Variants in ARHGAP8 observed in about 807,000 individuals in gnomAD.
ARHGAP8 encodes rho GTPase-activating protein 8.
Under a neutral mutation model 46.1 loss-of-function variants are expected in ARHGAP8, and 62 were observed. The ratio of observed to expected loss-of-function variants is 1.34; its 90% CI spans 1.10 to 1.66. The LOEUF (loss-of-function observed/expected upper bound fraction) is 1.66. Among genes scored for constraint, ARHGAP8 ranks in the 40% most tolerant of loss-of-function variants. The probability of loss-of-function intolerance (pLI) is 0.00; values close to 1 mark genes in which losing one functional copy is unlikely to be tolerated. For synonymous variants in ARHGAP8, 375 were observed against 243.1 expected, an observed-to-expected ratio of 1.54 and a Z score of -5.05; for missense variants, 923 against 568.4, an observed-to-expected ratio of 1.62 and a Z score of -6.34.
intron 7 of ARHGAP8, among the ~76,000 whole-genome samples, chr22:44,832,750 G>T (rs1279622255): frequency 6.6e-6 from 1 of 152,062 alleles, no homozygotes; most frequent in Admixed American, 6.6e-5. Context: ...TTTATTGCCT[G>T]ATTATGCCTG....
chr22:44,798,814 G>A (rs1251606034), intron 2 of ARHGAP8, among the ~76,000 whole-genome samples: 1 of 152,070 alleles, frequency 6.6e-6, no homozygotes, highest in Admixed American at 6.5e-5. Context: ...TCACCAGGCT[G>A]GAGTGCAGTG....
intron 4 of ARHGAP8, among the ~76,000 whole-genome samples, chr22:44,810,943 C>CAG (rs1446507303): frequency 6.6e-6 from 1 of 151,862 alleles, no homozygotes; most frequent in African/African-American, 2.4e-5. Context: ...CTCAGGCTCA[C>CAG]AGCAGGATGT....
At chr22:44,762,427 C>A (rs1478753986) in intron 1 of ARHGAP8, among the ~76,000 whole-genome samples, 1 of 145,200 alleles carries the variant, frequency 6.9e-6, no homozygotes, top group South Asian at 2.2e-4. Context: ...CAGCATGAGA[C>A]CCCATCTCTA....
chr22:44,754,973 G>A (rs932638236), intron 1 of ARHGAP8, among the ~76,000 whole-genome samples: 5 of 151,968 alleles, frequency 3.3e-5, no homozygotes, highest in African/African-American at 1.2e-4. Flanking sequence ...TTTTAGGCAG[G>A]TCACTCTCCT....
At position 44,814,652 on chromosome 22, in the gene ARHGAP8, TC is replaced by T. The variant is rs1299284360; in HGVS notation, c.300-15del. ...CTCGGAGCGCGGCAGCCTGAAGTCA[TC>T]CCCCGTTTCCCTCCTCAGGTACAAG... On this transcript the variant is annotated intron_variant, in intron 4 of 11. Coordinates refer to ENST00000356099, the MANE Select transcript of ARHGAP8 (RefSeq NM_181335.3). 5 of 1,609,540 alleles carry T rather than the reference TC, an allele frequency of 3.1e-6. No individual in the cohort carries two copies. The highest frequency in any genetic ancestry group is 4.2e-6 in the Non-Finnish European group (5 of 1,178,018).
intron 2 of ARHGAP8, among the ~76,000 whole-genome samples, chr22:44,789,824 T>C (rs1040357785): frequency 1.3e-5 from 2 of 152,166 alleles, no homozygotes; most frequent in African/African-American, 2.4e-5. Context: ...TGTCTGGTGA[T>C]ACTGCTTGTC....
At chr22:44,838,489 G>T (rs1931438677) in intron 7 of ARHGAP8, among the ~76,000 whole-genome samples, 1 of 151,920 alleles carries the variant, frequency 6.6e-6, no homozygotes, top group Middle Eastern at 3.2e-3. Context: ...GCCCAGGCTG[G>T]TCCGGAATTC....
chr22:44,780,597 G>A (rs1413277767), intron 1 of ARHGAP8, among the ~76,000 whole-genome samples: 3 of 131,300 alleles, frequency 2.3e-5, no homozygotes, highest in Non-Finnish European at 4.6e-5. Flanking sequence ...GGGAGGCGGA[G>A]GTTGCATTGA....
intron 10 of ARHGAP8, 48 bp from the exon 11 acceptor site, chr22:44,859,683 T>TGCCCCTG (rs2070369753): frequency 1.9e-6 from 3 of 1,600,622 alleles, no homozygotes; most frequent in Non-Finnish European, 2.6e-6. Context: ...GATGCAGCGC[T>TGCCCCTG]GCCCCTGGCC....
At position 44,816,884 on chromosome 22, in the gene ARHGAP8, C is replaced by CTTTCT. The variant is rs1282557789; in HGVS notation, c.386+2129_386+2130insCTTTT. Among the ~76,000 whole-genome samples, 7 of 115,080 alleles carry CTTTCT rather than the reference C, an allele frequency of 6.1e-5. 1 individual carries two copies. The allele number at this position is 115,080 out of a possible 152,430, so 75.5% of individuals were successfully genotyped here. On this transcript the variant is annotated intron_variant, in intron 5 of 11. Coordinates refer to ENST00000356099, the MANE Select transcript of ARHGAP8 (RefSeq NM_181335.3). ...TTCTTTCTTTTTTCTTTCTTTCTTT[C>CTTTCT]TTTTTTTTTTTTTTTTTTGAGACGA...
Position 44,808,503 on chromosome 22 carries a change from G to T in ARHGAP8, c.299+65G>T, listed in dbSNP as rs1929094049. 4.4e-6 allele frequency: 7 copies of T among 1,588,530 alleles called. No individual in the cohort carries two copies. In the East Asian group the frequency reaches 1.6e-4, roughly 36 times the overall value. On this transcript the variant is annotated intron_variant, in intron 4 of 11. Coordinates refer to ENST00000356099, the MANE Select transcript of ARHGAP8 (RefSeq NM_181335.3). ...GCTTGTGGCAGGAGGAGGCATTGTG[G>T]CCACAAGGGGTCGCAGAGTGTGCAG... is the stretch of plus-strand genomic sequence containing the variant.
rs961768483 is a variant in ARHGAP8 at position 44,814,312 on chromosome 22, A to G, written c.300-360A>G. On this transcript the variant is annotated intron_variant, in intron 4 of 11. Transcript: ENST00000356099. ...AGCCCAGGTCAGCTCCTGGCAGGGC[A>G]GGTGTTGGCCAAGAGGCTCTGTGCG... Among the ~76,000 whole-genome samples, 5 of 152,094 alleles carry G rather than the reference A, an allele frequency of 3.3e-5. No homozygotes were observed. In the South Asian group the frequency reaches 1.0e-3, roughly 32 times the overall value.
chr22:44,807,161 T>C (rs1928988839), intron 3 of ARHGAP8, among the ~76,000 whole-genome samples: 2 of 152,012 alleles, frequency 1.3e-5, no homozygotes, highest in African/African-American at 4.8e-5. Flanking sequence ...GGTGGGTTAA[T>C]TACAAGATGT....
rs186320905 is a variant in ARHGAP8 at position 44,762,763 on chromosome 22, C to T, written c.-72+10136C>T. 6.5e-3 allele frequency among the ~76,000 whole-genome samples: 993 copies of T among 152,104 alleles called. 5 individuals are homozygous for T. Among genetic ancestry groups the T allele is most frequent in the Non-Finnish European group, 0.011 (739 of 68,000 alleles). The stretch of plus-strand genomic sequence containing the variant: ...CTCACCATGTTGGCCAGGTTGGTCT[C>T]GAACTCCTGACCTTAGGTAATCCAC... On this transcript the variant is annotated intron_variant, in intron 1 of 11. Transcript: ENST00000356099.
At chr22:44,859,505 A>G (rs4504111) in intron 10 of ARHGAP8, among the ~76,000 whole-genome samples, 32,865 of 152,150 alleles carry the variant, frequency 0.22, 4,313 homozygotes, top group Admixed American at 0.26. Flanking sequence ...TGAGCCAGTT[A>G]AACCTCTTTT....
intron 1 of ARHGAP8, among the ~76,000 whole-genome samples, chr22:44,772,851 T>G (rs1926137641): frequency 7.2e-6 from 1 of 139,056 alleles, no homozygotes; most frequent in Non-Finnish European, 1.5e-5. Context: ...TCTTCCCATC[T>G]CCCAGGTCTC....
At position 44,862,450 on chromosome 22, in the gene ARHGAP8, C is replaced by G. The variant is rs760106218; in HGVS notation, c.1157C>G (p.Ala386Gly). 6.2e-7 allele frequency: 1 copy of G among 1,614,092 alleles called. No homozygotes were observed. Among genetic ancestry groups the G allele is most frequent in the Non-Finnish European group, 8.5e-7 (1 of 1,180,002 alleles). The change falls in exon 12 of 12, where the codon GCA (alanine) becomes GGA (glycine). Residue 386 changes from alanine to glycine, a missense_variant. Coordinates refer to ENST00000356099, the MANE Select transcript of ARHGAP8 (RefSeq NM_181335.3). Reference sequence around the variant, plus strand: ...GAAAAGATCTTCAGCACCCCGGAGGCACCTGGGGAGCACGGCCTGGCACCA... The same window carrying G: ...GAAAAGATCTTCAGCACCCCGGAGGGACCTGGGGAGCACGGCCTGGCACCA... ...YYEKIFSTPE[A>G]PGEHGLAPWE... is the part of the protein sequence containing the mutation.
intron 11 of ARHGAP8, among the ~76,000 whole-genome samples, chr22:44,860,810 C>A (rs543840624): frequency 6.6e-6 from 1 of 152,180 alleles, no homozygotes; most frequent in Non-Finnish European, 1.5e-5. Flanking sequence ...CCCAGACCCA[C>A]GGCCTTGAAT....
intron 3 of ARHGAP8, among the ~76,000 whole-genome samples, chr22:44,803,594 T>TGGCACAGAG (rs1928709065): frequency 1.4e-5 from 2 of 144,540 alleles, no homozygotes; most frequent in African/African-American, 5.2e-5. Flanking sequence ...AGTCCCCTAC[T>TGGCACAGAG]GTGGCTGTCC....
Sources: allele counts gnomAD v4.1 joint callset (sites outside exome capture counted in the v4.1 genomes callset), GRCh38; gene constraint gnomAD v4.1.1; transcripts MANE v1.5; gene names NCBI Gene and HGNC (gene_info 2026-07-23, HGNC 2026-07-21).